The following ZNF695 variants were observed in gnomAD, a reference collection of about 807,000 sequenced individuals.
ZNF695 encodes zinc finger protein SBZF3.
A neutral mutation model predicts 11.2 loss-of-function variants in ZNF695; 11 were observed. The observed-to-expected ratio is 0.98, with a 90% CI of 0.62 to 1.62. The LOEUF (loss-of-function observed/expected upper bound fraction) is 1.62, where lower values mean the gene tolerates loss of function less well. Ranked by LOEUF, ZNF695 falls within the 40% of genes most tolerant of loss-of-function variation. ZNF695 has a pLI of 0.00. For synonymous variants in ZNF695, 190 were observed against 201.4 expected, an observed-to-expected ratio of 0.94 and a Z score of 0.48; for missense variants, 559 against 590.5, an observed-to-expected ratio of 0.95 and a Z score of 0.55.
At chr1:246,992,080 C>T (rs1188508898) in intron 3 of ZNF695, among the ~76,000 whole-genome samples, 2 of 151,870 alleles carry the variant, frequency 1.3e-5, no homozygotes, top group Non-Finnish European at 2.9e-5. Flanking sequence ...GGGAGAACAG[C>T]GTCAACCCGG....
At chr1:246,952,768 C>G (rs1291463381) in intron 5 of ZNF695, among the ~76,000 whole-genome samples, 1 of 151,914 alleles carries the variant, frequency 6.6e-6, no homozygotes, top group African/African-American at 2.4e-5. Flanking sequence ...CAGTATTCAG[C>G]AACTTCTTTT....
At position 247,008,013 on chromosome 1, in the gene ZNF695, C is replaced by T. The variant is rs547233892; in HGVS notation, c.-105G>A. 9 of 1,298,672 alleles carry T rather than the reference C, an allele frequency of 6.9e-6. No individual in the cohort carries two copies. The highest frequency in any genetic ancestry group is 2.0e-4 in the Middle Eastern group (1 of 4,942). The allele number at this position is 1,298,672 out of a possible 1,614,324, so 80.4% of individuals were successfully genotyped here. On this transcript the variant is annotated 5_prime_UTR_variant, in exon 1 of 4. Transcript: ENST00000339986. ...CAGTCACCCGGGACTCTCCGAGAGG[C>T]AGCAGACGGGAACCCAGCACCCCGC...
At chr1:246,945,716 C>A in exon 6 of ZNF695, 2 of 1,480,522 alleles carry the variant, frequency 1.4e-6, no homozygotes, top group Non-Finnish European at 1.8e-6. Context: ...GCTGACGCAG[C>A]TGGACCCGGT....
chr1:246,989,588 A>T (rs898241019), intron 3 of ZNF695, among the ~76,000 whole-genome samples: 1 of 152,210 alleles, frequency 6.6e-6, no homozygotes, highest in African/African-American at 2.4e-5. Flanking sequence ...ACCAGTAAAC[A>T]AGTAACAAAA....
rs1669590520 is a variant in ZNF695 at position 247,007,963 on chromosome 1, G to A, written c.-55C>T. On this transcript the variant is annotated 5_prime_UTR_variant, in exon 1 of 4. Transcript: ENST00000339986. ...CCCTATAAATCTCGCAATACCTGCAGGCCACAGGGCGATGGAGCCTGCGGC... is the reference window on the plus strand; with the variant it reads ...CCCTATAAATCTCGCAATACCTGCAAGCCACAGGGCGATGGAGCCTGCGGC... 8 of 1,464,340 alleles carry A rather than the reference G, an allele frequency of 5.5e-6. No individual in the cohort carries two copies. Among genetic ancestry groups the A allele is most frequent in the South Asian group, 1.5e-5 (1 of 68,536 alleles). The allele number at this position is 1,464,340 out of a possible 1,614,324, so 90.7% of individuals were successfully genotyped here. A position where few individuals can be genotyped will look rare whatever the true frequency, so the allele number is the denominator to read the frequency against.
downstream of ZNF695, among the ~76,000 whole-genome samples, chr1:246,982,633 G>A (rs554147809): frequency 1.3e-4 from 20 of 152,252 alleles, no homozygotes; most frequent in Non-Finnish European, 2.4e-4. Context: ...CTAACTGCCC[G>A]ATTTAATTCT....
At chr1:246,957,269 G>A (rs912028511) in intron 5 of ZNF695, among the ~76,000 whole-genome samples, 1 of 151,940 alleles carries the variant, frequency 6.6e-6, no homozygotes, top group Non-Finnish European at 1.5e-5. Flanking sequence ...TGTAGTCCCA[G>A]CTACTCGGGA....
chr1:246,983,152 C>T (rs1020279488), downstream of ZNF695, among the ~76,000 whole-genome samples: 4 of 150,428 alleles, frequency 2.7e-5, no homozygotes, highest in South Asian at 2.1e-4. Context: ...TGCAGTGAGC[C>T]GTGATCGCGC....
At chr1:246,956,178 TG>T (rs1667995752) in intron 5 of ZNF695, among the ~76,000 whole-genome samples, 1 of 151,140 alleles carries the variant, frequency 6.6e-6, no homozygotes, top group African/African-American at 2.4e-5. Context: ...TTAGTAGAGA[TG>T]GGGTTTCACC....
chr1:246,979,865 T>A (rs1043768373), intron 4 of ZNF695: 1 of 152,686 alleles, frequency 6.5e-6, no homozygotes, highest in Non-Finnish European at 1.5e-5. Flanking sequence ...GCCTTCCCAA[T>A]TACTCATATA....
intron 4 of ZNF695, among the ~76,000 whole-genome samples, chr1:246,971,072 C>T (rs1389375342): frequency 2.0e-5 from 3 of 152,072 alleles, no homozygotes; most frequent in East Asian, 1.9e-4. Flanking sequence ...GTAGTGGCCC[C>T]GAATGCATGG....
chr1:246,974,831 C>T (rs1668517987), intron 4 of ZNF695, among the ~76,000 whole-genome samples: 1 of 152,168 alleles, frequency 6.6e-6, no homozygotes. Flanking sequence ...CCTCTCACCA[C>T]CTCTCCTGCT....
downstream of ZNF695, among the ~76,000 whole-genome samples, chr1:246,980,577 C>T (rs1408192913): frequency 6.6e-6 from 1 of 152,004 alleles, no homozygotes; most frequent in Non-Finnish European, 1.5e-5. Context: ...CCACCACACA[C>T]TGCTGATTTT....
downstream of ZNF695, among the ~76,000 whole-genome samples, chr1:246,983,947 G>C (rs539541407): frequency 6.6e-6 from 1 of 151,952 alleles, no homozygotes; most frequent in African/African-American, 2.4e-5. Context: ...CTAGAGCTTA[G>C]GAGTTCAAGA....
At chr1:246,966,725 C>T (rs546013652) in intron 5 of ZNF695, 15 of 453,914 alleles carry the variant, frequency 3.3e-5, no homozygotes, top group South Asian at 2.2e-4. Context: ...TTCAAGTTTA[C>T]AGTGAGCTAT....
At chr1:246,967,715 C>A in exon 5 of ZNF695, 1 of 396,608 alleles carries the variant, frequency 2.5e-6, no homozygotes. Context: ...GCTTTACATG[C>A]TTCTGCTTCT....
At chr1:247,000,282 G>A (rs548770445) in intron 1 of ZNF695, among the ~76,000 whole-genome samples, 34 of 152,210 alleles carry the variant, frequency 2.2e-4, no homozygotes, top group Non-Finnish European at 3.8e-4. Context: ...CGAGGCAGGC[G>A]GATCACCAGG....
At chr1:246,982,386 C>T (rs538475442), downstream of ZNF695, among the ~76,000 whole-genome samples, 48 of 152,052 alleles carry the variant, frequency 3.2e-4, no homozygotes, top group African/African-American at 1.1e-3. Context: ...ATAAGGTGTG[C>T]TGTAAGTGTT....
rs1572524821 is a variant in ZNF695, at chr1:246,986,790, C to T, written c.*177G>A. 7.3e-7 allele frequency: 1 copy of T among 1,371,924 alleles called. No individual in the cohort carries two copies. The highest frequency in any genetic ancestry group is 9.4e-7 in the Non-Finnish European group (1 of 1,068,780). The allele number at this position is 1,371,924 out of a possible 1,614,324, so 85.0% of individuals were successfully genotyped here. A position where few individuals can be genotyped will look rare whatever the true frequency, so the allele number is the denominator to read the frequency against. Reference sequence around the variant, plus strand: ...ATATAAGTGGAGGTGTTGAACCGGTCTATTTGTATTGTTCGTAGCCTAAAC... The same window carrying T: ...ATATAAGTGGAGGTGTTGAACCGGTTTATTTGTATTGTTCGTAGCCTAAAC... On this transcript the variant is annotated 3_prime_UTR_variant, in exon 4 of 4. Transcript: ENST00000339986.
Sources: gnomAD v4.1 joint callset for allele counts (sites outside exome capture counted in the v4.1 genomes callset) on GRCh38, gnomAD v4.1.1 for gene constraint, MANE v1.5 for transcripts, NCBI Gene and HGNC (gene_info 2026-07-23, HGNC 2026-07-21) for gene names.